Variants in CNKSR2 observed in about 807,000 individuals in gnomAD.
The protein encoded by CNKSR2 is CNK homolog protein 2.
A neutral mutation model predicts 84.4 loss-of-function variants in CNKSR2; 14 were observed. The ratio of observed to expected loss-of-function variants is 0.17; its 90% CI spans 0.11 to 0.26. CNKSR2 has a LOEUF of 0.26. Among genes scored for constraint, CNKSR2 ranks in the 10% least tolerant of loss-of-function variants. The probability of loss-of-function intolerance (pLI) is 1.00; values close to 1 mark genes in which losing one functional copy is unlikely to be tolerated. For synonymous variants in CNKSR2, 275 were observed against 277.9 expected (o/e 0.99, Z 0.10); for missense variants, 485 against 771.2 (o/e 0.63, Z 4.40).
At chrX:21,469,296 G>T (rs2091167561) in intron 4 of CNKSR2, among the ~76,000 whole-genome samples, 2 of 111,713 alleles carry the variant, frequency 1.8e-5, no homozygotes, top group South Asian at 7.5e-4. Flanking sequence ...CTCTCCTTTG[G>T]CATATGAGTC....
chrX:21,481,706 G>T (rs1244966433), intron 5 of CNKSR2, among the ~76,000 whole-genome samples: 1 of 111,855 alleles, frequency 8.9e-6, no homozygotes, highest in Non-Finnish European at 1.9e-5. Context: ...AGATTCAAAG[G>T]AGGCAGATAT....
intron 5 of CNKSR2, among the ~76,000 whole-genome samples, chrX:21,478,832 G>C (rs762093778): frequency 2.8e-4 from 31 of 111,776 alleles, no homozygotes; most frequent in Non-Finnish European, 1.1e-4. Context: ...TCATTAGAAA[G>C]CAGTATGGCC....
chrX:21,411,824 A>G (rs1198077971), intron 1 of CNKSR2, among the ~76,000 whole-genome samples: 1 of 111,298 alleles, frequency 9.0e-6, no homozygotes, highest in Non-Finnish European at 1.9e-5. Context: ...CTTACTTAAC[A>G]TGATTCTCTC....
At chrX:21,527,126 A>T (rs192542024) in intron 10 of CNKSR2, 126 bp downstream of exon 10, 47 of 507,494 alleles carry the variant, frequency 9.3e-5, no homozygotes, top group Non-Finnish European at 3.1e-6. Context: ...TTCTGAACAC[A>T]TTCTGCAAAA....
chrX:21,536,196 T>G (rs1211857596), intron 11 of CNKSR2, among the ~76,000 whole-genome samples: 1 of 111,780 alleles, frequency 8.9e-6, no homozygotes, highest in African/African-American at 3.2e-5. Flanking sequence ...TCCTTGCATC[T>G]CTGGGTTAAA....
chrX:21,503,986 A>G (rs2091585645), intron 8 of CNKSR2: 1 of 111,435 alleles, frequency 9.0e-6, no homozygotes, highest in African/African-American at 3.3e-5. Context: ...TTTGGAATAT[A>G]ATAGAGACAA....
At chrX:21,508,665 G>T (rs760451117) in intron 8 of CNKSR2, among the ~76,000 whole-genome samples, 1 of 111,976 alleles carries the variant, frequency 8.9e-6, no homozygotes, top group East Asian at 2.8e-4. Context: ...ATTGGAAGGG[G>T]AGAAGGAAAA....
At chrX:21,380,341 G>A (rs2089879687) in intron 1 of CNKSR2, among the ~76,000 whole-genome samples, 1 of 109,837 alleles carries the variant, frequency 9.1e-6, no homozygotes, top group African/African-American at 3.3e-5. Context: ...CTTATATGAA[G>A]AATGGAAATA....
At chrX:21,590,550 T>G (rs748791070) in intron 13 of CNKSR2, 22 bp from the exon 14 acceptor site, 17 of 1,196,916 alleles carry the variant, frequency 1.4e-5, no homozygotes, top group Non-Finnish European at 1.9e-5. Context: ...TCAGATAACA[T>G]TCTTTTTATC....
In CNKSR2 at chrX:21,516,560, C is replaced by T; in HGVS notation, c.886C>T (p.Arg296Ter). 1 of 1,207,828 alleles carries T rather than the reference C, an allele frequency of 8.3e-7. No homozygotes were observed. Among genetic ancestry groups the T allele is most frequent in the Non-Finnish European group, 1.1e-6 (1 of 892,870 alleles). ...PSGVILTLKK[R>*]PQSMLTSAPA... ...TGGTGTTATCTTAACTTTGAAAAAG[C>T]GACCTCAGAGCATGCTTACCTCAGC... The change falls in exon 9 of 22, where the codon CGA becomes TGA. Residue 296 changes from arginine to a stop codon, truncating the protein, a stop_gained. Transcript: ENST00000379510. LOFTEE classifies it high-confidence loss of function.
At chrX:21,454,780 T>C (rs1569179044) in intron 4 of CNKSR2, among the ~76,000 whole-genome samples, 1 of 112,100 alleles carries the variant, frequency 8.9e-6, no homozygotes, top group Non-Finnish European at 1.9e-5. Flanking sequence ...TTGTATAATA[T>C]TTTACAATTT....
intron 3 of CNKSR2, among the ~76,000 whole-genome samples, chrX:21,439,893 G>A (rs1482879950): frequency 9.1e-6 from 1 of 110,061 alleles, no homozygotes; most frequent in Non-Finnish European, 1.9e-5. Context: ...AATAAAGGCA[G>A]GAACTTTTCC....
intron 5 of CNKSR2, among the ~76,000 whole-genome samples, chrX:21,480,048 T>G (rs780573333): frequency 2.7e-5 from 3 of 110,934 alleles, no homozygotes; most frequent in East Asian, 2.8e-4. Flanking sequence ...CCTAGAAGCC[T>G]TCTTCTCCTT....
Position 21,389,258 on chromosome X carries a change from C to T in CNKSR2, c.64+14297C>T, listed in dbSNP as rs72620274. Among the ~76,000 whole-genome samples, 381 of 102,876 alleles carry T rather than the reference C, an allele frequency of 3.7e-3. 11 individuals carry two copies. The East Asian group carries it at 0.1, about 28-fold the overall frequency. 89.3% of individuals were successfully genotyped at this position (102,876 alleles called of 115,157 possible). ...GATAGGATCTTGGAATGGAAAAGTACGTTAGGAAAAATAATGAAATCCAAA... is the reference window on the plus strand; with the variant it reads ...GATAGGATCTTGGAATGGAAAAGTATGTTAGGAAAAATAATGAAATCCAAA... On this transcript the variant is annotated intron_variant, in intron 1 of 21. Transcript: ENST00000379510.
chrX:21,471,047 A>G (rs1601831361), intron 5 of CNKSR2, among the ~76,000 whole-genome samples: 1 of 111,889 alleles, frequency 8.9e-6, no homozygotes, highest in African/African-American at 3.2e-5. Context: ...TTGGAATATA[A>G]TAAAAAATTA....
intron 15 of CNKSR2, chrX:21,594,303 A>T: frequency 9.0e-6 from 1 of 110,749 alleles, no homozygotes; most frequent in South Asian, 3.9e-4. Context: ...GGGAACAGAC[A>T]CTGGGGCCTA....
intron 4 of CNKSR2, among the ~76,000 whole-genome samples, chrX:21,470,067 T>G (rs1299631185): frequency 1.8e-5 from 2 of 112,124 alleles, no homozygotes; most frequent in Non-Finnish European, 3.8e-5. Context: ...TTATAAATTT[T>G]GTGAGGAAAC....
chrX:21,552,699 T>G (rs1386500840), intron 11 of CNKSR2, among the ~76,000 whole-genome samples: 1 of 112,034 alleles, frequency 8.9e-6, no homozygotes, highest in Non-Finnish European at 1.9e-5. Flanking sequence ...AGAGTAAATC[T>G]TATTTATGAT....
At chrX:21,424,722 G>A (rs771926152) in intron 1 of CNKSR2, 9 of 111,664 alleles carry the variant, frequency 8.1e-5, no homozygotes, top group Non-Finnish European at 1.7e-4. Flanking sequence ...TATCTCCAGC[G>A]TTCACAGCAG....
Sources: gnomAD v4.1 joint callset for allele counts (sites outside exome capture counted in the v4.1 genomes callset) on GRCh38, gnomAD v4.1.1 for gene constraint, MANE v1.5 for transcripts, NCBI Gene and HGNC (gene_info 2026-07-23, HGNC 2026-07-21) for gene names.